The following CFAP58 variants were observed in gnomAD, a reference collection of about 807,000 sequenced individuals.
CFAP58 encodes the protein cilia and flagella associated protein 58, also known as cilia- and flagella-associated protein 58.
CFAP58 carries 88 observed loss-of-function variants against 119.5 expected under a neutral mutation model. The ratio of observed to expected loss-of-function variants is 0.74; its 90% CI spans 0.62 to 0.88. The LOEUF is 0.88. CFAP58 is among the 40% of genes least tolerant of loss of function. CFAP58 has a pLI of 0.00. For synonymous variants in CFAP58, 365 were observed against 366.3 expected, an observed-to-expected ratio of 1.00 and a Z score of 0.04; for missense variants, 990 against 1,021.2, an observed-to-expected ratio of 0.97 and a Z score of 0.42.
chr10:104,349,999 C>T (rs536876188), upstream of CFAP58, among the ~76,000 whole-genome samples: 2 of 152,282 alleles, frequency 1.3e-5, no homozygotes, highest in African/African-American at 2.4e-5. Context: ...ACCAGAAAGT[C>T]GAAAGGGCCA....
In CFAP58 at chr10:104,406,712, G is replaced by A. The variant is rs1397750251; in HGVS notation, c.2175G>A (p.Glu725=). The A allele has an allele frequency of 6.2e-7, 1 of 1,614,166 alleles. No homozygotes were observed. The highest frequency in any genetic ancestry group is 1.1e-5 in the South Asian group (1 of 91,084). The change falls in exon 15 of 18, where the codon GAG becomes GAA. Residue 725 remains glutamate, a synonymous_variant. Coordinates refer to ENST00000369704, the MANE Select transcript of CFAP58 (RefSeq NM_001008723.2). ...KLEASDPNAY[E]LIQKIHTLQK... The stretch of plus-strand genomic sequence containing the variant: ...AGGCCAGCGACCCCAATGCATATGA[G>A]CTGATACAGAAAATTCACACCCTGC...
chr10:104,390,812 G>A (rs2012024276), intron 9 of CFAP58, among the ~76,000 whole-genome samples: 1 of 152,036 alleles, frequency 6.6e-6, no homozygotes. Flanking sequence ...GTGGCACATG[G>A]AACTATATAT....
At chr10:104,401,857 G>T (rs2012272189) in intron 13 of CFAP58, among the ~76,000 whole-genome samples, 1 of 151,970 alleles carries the variant, frequency 6.6e-6, no homozygotes, top group Admixed American at 6.6e-5. Context: ...TATAAAGAAG[G>T]GATTAGAAAA....
Position 104,400,870 on chromosome 10 carries a change from T to C in CFAP58, c.2006T>C (p.Leu669Pro). The C allele has an allele frequency of 6.2e-7, 1 of 1,614,180 alleles. No individual in the cohort carries two copies. Among genetic ancestry groups the C allele is most frequent in the South Asian group, 1.1e-5 (1 of 91,078 alleles). ...AAGCTTCGCCGGGAAAAGGGGATTC[T>C]TGCCAGGAGTATGGCTAATGTTGAA... is the stretch of plus-strand genomic sequence containing the variant. ...IKKLRREKGI[L>P]ARSMANVEEL... Residue 669 changes from leucine to proline, a missense_variant, in exon 13 of 18, where the codon CTT (leucine) becomes CCT (proline). Leu to Pro is a moderately conservative substitution (Grantham distance 98). Transcript: ENST00000369704.
chr10:104,368,355 C>T (rs2014778856), intron 5 of CFAP58, 68 bp from the exon 6 acceptor site: 4 of 1,530,894 alleles, frequency 2.6e-6, no homozygotes, highest in Non-Finnish European at 3.5e-6. Flanking sequence ...TGTGGGGCCC[C>T]CTGTGTGTAT....
chr10:104,426,058 C>G (rs928625099), intron 15 of CFAP58, among the ~76,000 whole-genome samples: 1 of 152,080 alleles, frequency 6.6e-6, no homozygotes, highest in African/African-American at 2.4e-5. Flanking sequence ...ATGGCAAAAA[C>G]CTGTTTCTAT....
rs117865611 is a variant in CFAP58 at position 104,361,391 on chromosome 10, C to T, written c.292-632C>T. Among the ~76,000 whole-genome samples the T allele has an allele frequency of 4.7e-4, 71 of 152,224 alleles. No individual in the cohort carries two copies. The East Asian group carries it at 0.012, about 26-fold the overall frequency. ...ACAATTAGGTAACAGTAAAGAACAT[C>T]GTTGTGTGGATTGTTCTAAAGTTCA... On this transcript the variant is annotated intron_variant, in intron 2 of 17. Coordinates refer to ENST00000369704, the MANE Select transcript of CFAP58 (RefSeq NM_001008723.2).
At chr10:104,398,026 G>A (rs993941929) in intron 11 of CFAP58, among the ~76,000 whole-genome samples, 3 of 152,170 alleles carry the variant, frequency 2.0e-5, no homozygotes, top group Non-Finnish European at 2.9e-5. Flanking sequence ...GTACTTTATA[G>A]TTTGCATGCC....
the CFAP58 span, among the ~76,000 whole-genome samples, chr10:104,346,612 G>T: frequency 6.8e-6 from 1 of 148,034 alleles, no homozygotes; most frequent in Non-Finnish European, 1.5e-5. Context: ...AGTGGGAATA[G>T]GTTGTATGGA....
At chr10:104,393,095 G>T (rs1298554273) in intron 10 of CFAP58, among the ~76,000 whole-genome samples, 1 of 152,176 alleles carries the variant, frequency 6.6e-6, no homozygotes, top group Non-Finnish European at 1.5e-5. Flanking sequence ...GTGTGCGTGT[G>T]ATGTTCATTA....
intron 15 of CFAP58, among the ~76,000 whole-genome samples, chr10:104,420,100 G>C (rs1161092148): frequency 6.7e-6 from 1 of 149,004 alleles, no homozygotes; most frequent in Non-Finnish European, 1.5e-5. Flanking sequence ...TAAGGGAGCA[G>C]ACTTTTAATA....
chr10:104,364,686 C>T, intron 3 of CFAP58, 47 bp from the exon 4 acceptor site: 1 of 1,594,722 alleles, frequency 6.3e-7, no homozygotes, highest in Non-Finnish European at 8.6e-7. Context: ...TGAAGGACCC[C>T]TGAGCAGATG....
chr10:104,414,829 C>T (rs2012522582), intron 15 of CFAP58, among the ~76,000 whole-genome samples: 1 of 152,124 alleles, frequency 6.6e-6, no homozygotes, highest in Non-Finnish European at 1.5e-5. Context: ...GCCACCGCGC[C>T]CGGCTAATTT....
chr10:104,390,186 C>T (rs374831677), intron 9 of CFAP58, among the ~76,000 whole-genome samples: 18 of 152,290 alleles, frequency 1.2e-4, no homozygotes, highest in African/African-American at 4.3e-4. Context: ...AAAATGTTTC[C>T]TGTAGCATGG....
intron 15 of CFAP58, among the ~76,000 whole-genome samples, chr10:104,435,642 C>T (rs904821076): frequency 2.0e-5 from 3 of 152,150 alleles, no homozygotes; most frequent in Non-Finnish European, 2.9e-5. Context: ...GTTGACTCTT[C>T]TTTCTTGGTC....
chr10:104,442,215 A>T (rs1415127932), intron 15 of CFAP58, among the ~76,000 whole-genome samples: 1 of 152,098 alleles, frequency 6.6e-6, no homozygotes. Flanking sequence ...GAAAAGAGTT[A>T]TGTGTGCAAT....
At chr10:104,411,231 G>A (rs1417536583) in intron 15 of CFAP58, among the ~76,000 whole-genome samples, 3 of 152,102 alleles carry the variant, frequency 2.0e-5, no homozygotes, top group African/African-American at 4.8e-5. Flanking sequence ...TTGTTCACCA[G>A]TTCTTTCAGT....
intron 9 of CFAP58, among the ~76,000 whole-genome samples, chr10:104,383,729 T>A (rs968733798): frequency 1.7e-4 from 25 of 148,666 alleles, no homozygotes; most frequent in Admixed American, 6.1e-4. Context: ...CCTCTTCTCA[T>A]ATTTCTTTCT....
intron 9 of CFAP58, chr10:104,382,125 G>C: frequency 2.8e-6 from 2 of 717,346 alleles, no homozygotes; most frequent in Non-Finnish European, 5.2e-6. Flanking sequence ...CTTCTTTCCA[G>C]GCTGACTCTG....
Sources: allele counts gnomAD v4.1 joint callset (sites outside exome capture counted in the v4.1 genomes callset), GRCh38; gene constraint gnomAD v4.1.1; transcripts MANE v1.5; gene names NCBI Gene and HGNC (gene_info 2026-07-23, HGNC 2026-07-21).